Variants in PLXNA4 observed in about 807,000 individuals in gnomAD.
PLXNA4 encodes the protein plexin A4, also known as plexin-A4.
Under a neutral mutation model 191.8 loss-of-function variants are expected in PLXNA4, and 44 were observed. That is an observed-to-expected ratio of 0.23 (90% CI 0.18 to 0.29). The LOEUF (loss-of-function observed/expected upper bound fraction) is 0.29, where lower values mean the gene tolerates loss of function less well. Ranked by LOEUF, PLXNA4 falls within the 10% of genes least tolerant of loss-of-function variation. The pLI, the probability that PLXNA4 is intolerant of heterozygous loss-of-function variation, is 1.00. For synonymous variants in PLXNA4, 1,082 were observed against 1,009.5 expected (o/e 1.07, Z -1.36); for missense variants, 1,800 against 2,488.8 (o/e 0.72, Z 5.89).
chr7:132,377,466 C>T (rs1225347556), intron 3 of PLXNA4, among the ~76,000 whole-genome samples: 1 of 151,342 alleles, frequency 6.6e-6, no homozygotes, highest in Non-Finnish European at 1.5e-5. Flanking sequence ...AAAGGGAGAG[C>T]TGGAAGGATC....
chr7:132,484,600 G>C (rs1420640459), intron 3 of PLXNA4, among the ~76,000 whole-genome samples: 2 of 152,194 alleles, frequency 1.3e-5, no homozygotes, highest in Admixed American at 6.5e-5. Context: ...ACCCATGGCA[G>C]CTTGGGCTGG....
chr7:132,426,134 A>T (rs1209747306), intron 3 of PLXNA4, among the ~76,000 whole-genome samples: 2 of 152,156 alleles, frequency 1.3e-5, no homozygotes, highest in African/African-American at 2.4e-5. Context: ...GGGGGAGATC[A>T]GTGTACAACT....
intron 5 of PLXNA4, among the ~76,000 whole-genome samples, chr7:132,232,185 A>C (rs1331349620): frequency 2.6e-5 from 4 of 152,074 alleles, no homozygotes; most frequent in Non-Finnish European, 4.4e-5. Context: ...TTAATTCACG[A>C]CCTGAGAGGC....
chr7:132,395,309 C>T (rs980230077), intron 3 of PLXNA4, among the ~76,000 whole-genome samples: 5 of 152,142 alleles, frequency 3.3e-5, no homozygotes, highest in African/African-American at 9.7e-5. Flanking sequence ...AAGGGGCTGG[C>T]TGGTGACCAT....
intron 3 of PLXNA4, among the ~76,000 whole-genome samples, chr7:132,370,207 G>A (rs911091177): frequency 6.6e-6 from 1 of 152,210 alleles, no homozygotes; most frequent in African/African-American, 2.4e-5. Context: ...AGCTCTGAGT[G>A]TAGAAAATCC....
chr7:132,186,204 C>G (rs1584812823), intron 15 of PLXNA4, among the ~76,000 whole-genome samples: 1 of 152,172 alleles, frequency 6.6e-6, no homozygotes, highest in East Asian at 1.9e-4. Context: ...GCTCCTACCC[C>G]CTAGGCTCCA....
chr7:132,360,113 C>A (rs903200672), intron 3 of PLXNA4, among the ~76,000 whole-genome samples: 1 of 152,154 alleles, frequency 6.6e-6, no homozygotes, highest in Non-Finnish European at 1.5e-5. Flanking sequence ...CACAACATCC[C>A]TTTTCTTATC....
intron 31 of PLXNA4, 28 bp downstream of exon 31, chr7:132,133,021 A>C: frequency 6.2e-7 from 1 of 1,605,290 alleles, no homozygotes; most frequent in African/African-American, 1.3e-5. Context: ...CTTCCATCCC[A>C]ATGGGCCTGG....
intron 3 of PLXNA4, among the ~76,000 whole-genome samples, chr7:132,403,995 G>A (rs1794107416): frequency 6.6e-6 from 1 of 152,228 alleles, no homozygotes; most frequent in Non-Finnish European, 1.5e-5. Context: ...TAACGGGTCT[G>A]TAGTTGGCCC....
chr7:132,472,938 C>A (rs1323305336), intron 3 of PLXNA4, among the ~76,000 whole-genome samples: 2 of 152,232 alleles, frequency 1.3e-5, no homozygotes, highest in Non-Finnish European at 2.9e-5. Flanking sequence ...CAGATACGGA[C>A]ACACTTCGTT....
At chr7:132,590,339 C>T (rs964073360) in intron 2 of PLXNA4, among the ~76,000 whole-genome samples, 3 of 152,222 alleles carry the variant, frequency 2.0e-5, no homozygotes, top group Middle Eastern at 3.4e-3. Context: ...GGTTCTCCAG[C>T]GGGACAGAAC....
intron 9 of PLXNA4, among the ~76,000 whole-genome samples, chr7:132,218,235 G>A (rs1416478381): frequency 6.6e-6 from 1 of 152,130 alleles, no homozygotes; most frequent in African/African-American, 2.4e-5. Flanking sequence ...TCTTTTCAGG[G>A]GTGTTGGGGT....
At chr7:132,564,017 TCC>T (rs1801571389) in intron 1 of PLXNA4, among the ~76,000 whole-genome samples, 1 of 65,318 alleles carries the variant, frequency 1.5e-5, no homozygotes, top group African/African-American at 6.2e-5. Context: ...CTTCTCCTCC[TCC>T]TTCTCCTCCT....
rs1316669192 is a variant in PLXNA4, at chr7:132,507,311, A to G, written c.1188+195T>C. On this transcript the variant is annotated intron_variant, in intron 2 of 31. Transcript: ENST00000321063. ...AATTTATGTTTCAGCTCCCACTCTG[A>G]CTCTTATACATTCAATGTCATAGTT... Among the ~76,000 whole-genome samples, 5 of 151,996 alleles carry G rather than the reference A, an allele frequency of 3.3e-5. No individual in the cohort carries two copies. In the East Asian group the frequency reaches 9.6e-4, roughly 29 times the overall value.
In PLXNA4 at chr7:132,332,807, C is replaced by T. The variant is rs981969210; in HGVS notation, c.1372-34585G>A. Among the ~76,000 whole-genome samples, 4 of 150,908 alleles carry T rather than the reference C, an allele frequency of 2.7e-5. No individual in the cohort carries two copies. In the Admixed American group the frequency reaches 2.7e-4, roughly 10 times the overall value. On this transcript the variant is annotated intron_variant, in intron 3 of 31. Coordinates refer to ENST00000321063, the MANE Select transcript of PLXNA4 (RefSeq NM_020911.2). ...CCCAGGAGTTGGAGGCTGCAGTGAG[C>T]TGTGATCATGCCACTGTACTCCAAC...
chr7:132,562,832 CTCCTCCTTCTCT>C (rs1563174838), intron 1 of PLXNA4, among the ~76,000 whole-genome samples: 1 of 78,016 alleles, frequency 1.3e-5, no homozygotes, highest in Admixed American at 1.3e-4. Flanking sequence ...CCTCCTTCTC[CTCCTCCTTCTCT>C]TCCTTTCTCC....
intron 3 of PLXNA4, among the ~76,000 whole-genome samples, chr7:132,469,782 C>T (rs1231124584): frequency 6.6e-6 from 1 of 152,228 alleles, no homozygotes; most frequent in African/African-American, 2.4e-5. Flanking sequence ...CCTAAAATCA[C>T]ATCTTGCTCA....
chr7:132,336,685 C>A (rs964080721), intron 3 of PLXNA4, among the ~76,000 whole-genome samples: 2 of 152,170 alleles, frequency 1.3e-5, no homozygotes, highest in Non-Finnish European at 2.9e-5. Flanking sequence ...GACAAGGGAG[C>A]GAATCACTAG....
chr7:132,626,196 C>T (rs1197139763), intron 2 of PLXNA4, among the ~76,000 whole-genome samples: 1 of 152,144 alleles, frequency 6.6e-6, no homozygotes, highest in South Asian at 2.1e-4. Context: ...AAATCTATTC[C>T]CTCCTCCACA....
Sources: gnomAD v4.1 joint callset for allele counts (sites outside exome capture counted in the v4.1 genomes callset) on GRCh38, gnomAD v4.1.1 for gene constraint, MANE v1.5 for transcripts, NCBI Gene and HGNC (gene_info 2026-07-23, HGNC 2026-07-21) for gene names.